The following USP10 variants were observed in gnomAD, a reference collection of about 807,000 sequenced individuals.
The protein encoded by USP10 is ubiquitin carboxyl-terminal hydrolase 10.
In USP10, 22 loss-of-function variants were observed where a neutral mutation model predicts 84.5. That is an observed-to-expected ratio of 0.26 (90% CI 0.19 to 0.37). The LOEUF (loss-of-function observed/expected upper bound fraction) is 0.37. Among genes scored for constraint, USP10 ranks in the 10% least tolerant of loss-of-function variants. USP10 has a pLI of 1.00. For synonymous variants in USP10, 454 were observed against 387.6 expected (o/e 1.17, Z -2.01); for missense variants, 1,019 against 998.9 (o/e 1.02, Z -0.27).
Position 84,764,257 on chromosome 16 carries a change from A to G in USP10, c.1826A>G (p.His609Arg). ...QTPITGIFGG[H>R]IRSVVYQQSS... ...CCAATCACCGGCATTTTTGGTGGAC[A>G]CATCAGGTTTGTGCTTTTCTGGAAT... Residue 609 changes from histidine (H) to arginine (R), a missense_variant, in exon 10 of 14, where the codon CAC (histidine) becomes CGC (arginine). By Grantham distance (29) the His-to-Arg change is conservative. Transcript: ENST00000219473. 1.2e-6 allele frequency: 2 copies of G among 1,614,044 alleles called. No homozygotes were observed. Among genetic ancestry groups the G allele is most frequent in the African/African-American group, 1.3e-5 (1 of 75,066 alleles).
chr16:84,759,197 T>C (rs146214039), intron 5 of USP10, 166 bp from the exon 6 acceptor site: 2 of 664,862 alleles, frequency 3.0e-6, no homozygotes, highest in East Asian at 5.5e-5. Flanking sequence ...ACAGGACACT[T>C]ACCCTAGTAA....
chr16:84,752,113 A>G (rs1013786547), intron 4 of USP10, among the ~76,000 whole-genome samples: 5 of 152,218 alleles, frequency 3.3e-5, no homozygotes, highest in Non-Finnish European at 4.4e-5. Context: ...CAGCCTTTTC[A>G]TGTGAGTTAT....
At chr16:84,762,690 C>CA (rs68114431) in intron 8 of USP10, among the ~76,000 whole-genome samples, 34,787 of 128,680 alleles carry the variant, frequency 0.27, 4,069 homozygotes, top group Admixed American at 0.31. Context: ...GACTTTGTCT[C>CA]AAAAAAAAAA....
At position 84,722,505 on chromosome 16, in the gene USP10, A is replaced by G. The variant is rs147715804; in HGVS notation, c.22-10930A>G. Among the ~76,000 whole-genome samples the G allele has an allele frequency of 5.1e-3, 776 of 152,332 alleles. 10 individuals are homozygous for G. The highest frequency in any genetic ancestry group is 0.017 in the African/African-American group (713 of 41,564). On this transcript the variant is annotated intron_variant, in intron 1 of 13. Coordinates refer to ENST00000219473, the MANE Select transcript of USP10 (RefSeq NM_005153.3). ...TTTCAAAGCGGCCATGCCGTTTTCTATCTGCACCAGCAGTGTATGAGAATG... is the reference window on the plus strand; with the variant it reads ...TTTCAAAGCGGCCATGCCGTTTTCTGTCTGCACCAGCAGTGTATGAGAATG...
chr16:84,774,745 A>C (rs1293552608), intron 12 of USP10, among the ~76,000 whole-genome samples: 2 of 152,218 alleles, frequency 1.3e-5, no homozygotes, highest in African/African-American at 4.8e-5. Flanking sequence ...CTGGGATTAC[A>C]GGCGTGAGCC....
chr16:84,727,112 T>G (rs979950698), intron 1 of USP10, among the ~76,000 whole-genome samples: 6 of 152,250 alleles, frequency 3.9e-5, no homozygotes, highest in African/African-American at 1.4e-4. Flanking sequence ...CAATATGTCC[T>G]AAGCTCTGCA....
At chr16:84,755,223 A>T (rs552534795) in intron 4 of USP10, among the ~76,000 whole-genome samples, 1 of 151,726 alleles carries the variant, frequency 6.6e-6, no homozygotes, top group South Asian at 2.1e-4. Flanking sequence ...GAACATGTTC[A>T]AGCCCCGTCT....
intron 1 of USP10, among the ~76,000 whole-genome samples, chr16:84,725,717 T>A (rs1482296333): frequency 6.6e-6 from 1 of 152,196 alleles, no homozygotes; most frequent in Non-Finnish European, 1.5e-5. Context: ...CTGACGACAT[T>A]TTCAAACCCG....
chr16:84,702,198 A>G (rs548527300), intron 1 of USP10, among the ~76,000 whole-genome samples: 11 of 151,288 alleles, frequency 7.3e-5, no homozygotes, highest in African/African-American at 2.2e-4. Context: ...CTGGGATTAC[A>G]GGCGCCCACC....
chr16:84,765,855 G>T (rs755017638), intron 10 of USP10, among the ~76,000 whole-genome samples: 1 of 152,178 alleles, frequency 6.6e-6, no homozygotes, highest in Non-Finnish European at 1.5e-5. Flanking sequence ...CATTCACAAA[G>T]TCCTTCGGAA....
At chr16:84,778,534 A>C (rs16974592) in intron 13 of USP10, among the ~76,000 whole-genome samples, 2,905 of 152,306 alleles carry the variant, frequency 0.019, 41 homozygotes, top group East Asian at 0.055. Context: ...ACAGTCTAGA[A>C]GTAGAGTCAG....
At chr16:84,733,394 GT>G in intron 1 of USP10, 40 bp from the exon 2 acceptor site, 1 of 1,443,424 alleles carries the variant, frequency 6.9e-7, no homozygotes, top group Non-Finnish European at 9.6e-7. Context: ...TATATAATTT[GT>G]ATATTTTATG....
At chr16:84,751,451 A>T (rs1447182567) in intron 4 of USP10, among the ~76,000 whole-genome samples, 1 of 152,224 alleles carries the variant, frequency 6.6e-6, no homozygotes, top group Non-Finnish European at 1.5e-5. Flanking sequence ...GGCAGTGGTC[A>T]TGCGGCGTGA....
intron 11 of USP10, among the ~76,000 whole-genome samples, chr16:84,768,630 T>C (rs190888402): frequency 1.3e-5 from 2 of 152,300 alleles, no homozygotes; most frequent in Admixed American, 1.3e-4. Context: ...GGCAATCTAA[T>C]GATGATATCA....
At chr16:84,757,064 C>CT (rs1348228875) in intron 4 of USP10, among the ~76,000 whole-genome samples, 1 of 152,148 alleles carries the variant, frequency 6.6e-6, no homozygotes, top group Non-Finnish European at 1.5e-5. Context: ...GTAACTATCT[C>CT]TGACAGTAGG....
intron 8 of USP10, among the ~76,000 whole-genome samples, chr16:84,762,042 A>G (rs1313090185): frequency 6.6e-6 from 1 of 152,262 alleles, no homozygotes; most frequent in Non-Finnish European, 1.5e-5. Flanking sequence ...GCCTTGGAAT[A>G]GGCAGTTGTG....
intron 10 of USP10, among the ~76,000 whole-genome samples, 157 bp from the exon 11 acceptor site, chr16:84,768,036 T>A (rs1004924542): frequency 6.6e-6 from 1 of 152,240 alleles, no homozygotes; most frequent in African/African-American, 2.4e-5. Flanking sequence ...TTCAGCAGAA[T>A]TATTTTTAAA....
chr16:84,710,346 G>T (rs1906117608), intron 1 of USP10, among the ~76,000 whole-genome samples: 1 of 151,996 alleles, frequency 6.6e-6, no homozygotes, highest in Non-Finnish European at 1.5e-5. Flanking sequence ...AAAGTTGTCA[G>T]GGATTTGATT....
At chr16:84,753,369 C>A (rs768521220) in intron 4 of USP10, among the ~76,000 whole-genome samples, 3 of 152,208 alleles carry the variant, frequency 2.0e-5, no homozygotes, top group Admixed American at 6.5e-5. Context: ...TTGGTTTTCT[C>A]AGACTCTCAC....
Sources: allele counts gnomAD v4.1 joint callset (sites outside exome capture counted in the v4.1 genomes callset), GRCh38; gene constraint gnomAD v4.1.1; transcripts MANE v1.5; gene names NCBI Gene and HGNC (gene_info 2026-07-23, HGNC 2026-07-21).